Variants in ST3GAL6 observed in about 807,000 individuals in gnomAD.
ST3GAL6 encodes the protein ST3 beta-galactoside alpha-2,3-sialyltransferase 6.
A neutral mutation model predicts 40.5 loss-of-function variants in ST3GAL6; 31 were observed. That is an observed-to-expected ratio of 0.77 (90% CI 0.58 to 1.03). The LOEUF (loss-of-function observed/expected upper bound fraction) is 1.03, where lower values mean the gene tolerates loss of function less well. Ranked by LOEUF, ST3GAL6 falls within the 50% of genes least tolerant of loss-of-function variation. The pLI is 0.00. For synonymous variants in ST3GAL6, 129 were observed against 136.9 expected (o/e 0.94, Z 0.40); for missense variants, 357 against 393.2 (o/e 0.91, Z 0.78).
At chr3:98,766,016 T>A (rs1559737456) in intron 1 of ST3GAL6, among the ~76,000 whole-genome samples, 1 of 152,200 alleles carries the variant, frequency 6.6e-6, no homozygotes, top group Admixed American at 6.5e-5. Context: ...ATACTGAAGC[T>A]GTGAATTGTA....
intron 1 of ST3GAL6, among the ~76,000 whole-genome samples, chr3:98,754,419 A>G (rs534586502): frequency 2.2e-4 from 33 of 152,360 alleles, no homozygotes; most frequent in Admixed American, 1.9e-3. Flanking sequence ...ACTTTAATGA[A>G]TGAGGATTGC....
chr3:98,790,823 G>A (rs1227282081), intron 8 of ST3GAL6, among the ~76,000 whole-genome samples: 2 of 152,054 alleles, frequency 1.3e-5, no homozygotes, highest in Non-Finnish European at 2.9e-5. Context: ...AAAGGAAGTA[G>A]AAGACATGAA....
chr3:98,792,448 T>G (rs772548060), intron 9 of ST3GAL6, among the ~76,000 whole-genome samples: 6 of 152,158 alleles, frequency 3.9e-5, no homozygotes, highest in Non-Finnish European at 8.8e-5. Flanking sequence ...TGGATCACAC[T>G]TCTCTTGAAT....
chr3:98,761,406 G>A (rs1937749718), upstream of ST3GAL6, among the ~76,000 whole-genome samples: 2 of 152,072 alleles, frequency 1.3e-5, no homozygotes, highest in Admixed American at 6.5e-5. Context: ...TTAGGAGTTC[G>A]AGACCAGCCT....
intron 1 of ST3GAL6, among the ~76,000 whole-genome samples, chr3:98,743,757 C>T (rs371022054): frequency 6.6e-6 from 1 of 152,134 alleles, no homozygotes; most frequent in Non-Finnish European, 1.5e-5. Flanking sequence ...TGACTTTTGC[C>T]ACCATAGATT....
intron 8 of ST3GAL6, among the ~76,000 whole-genome samples, chr3:98,788,947 G>C (rs146464169): frequency 1.1e-4 from 16 of 152,320 alleles, no homozygotes; most frequent in Middle Eastern, 3.4e-3. Flanking sequence ...ACATTTCTGT[G>C]GTCAGAGGAA....
chr3:98,790,528 A>C (rs975921433), intron 8 of ST3GAL6, among the ~76,000 whole-genome samples: 16 of 152,150 alleles, frequency 1.1e-4, no homozygotes, highest in African/African-American at 3.6e-4. Flanking sequence ...CTCATCTTGG[A>C]GAGTAGGAAT....
At chr3:98,759,245 G>A (rs1307992929), upstream of ST3GAL6, among the ~76,000 whole-genome samples, 1 of 152,158 alleles carries the variant, frequency 6.6e-6, no homozygotes, top group Non-Finnish European at 1.5e-5. Flanking sequence ...GAGAACATGG[G>A]TTTAGGAAAC....
chr3:98,756,672 AT>A lies in ST3GAL6; in HGVS notation c.-11-11751del, dbSNP rs58909338. ...TCTTCTATGAATACAGGTGCCTGCT[AT>A]TTTTTTCTCTTACTAGTTTTGCAGC... On this transcript the variant is annotated intron_variant, in intron 1 of 9. Transcript: ENST00000265261. 183 of 769,776 alleles carry A rather than the reference AT, an allele frequency of 2.4e-4. No homozygotes were observed. In the African/African-American group the frequency reaches 3.2e-3, roughly 14 times the overall value. 47.7% of individuals were successfully genotyped at this position (769,776 alleles called of 1,614,324 possible).
intron 1 of ST3GAL6, among the ~76,000 whole-genome samples, chr3:98,734,210 G>T (rs1006424210): frequency 1.3e-5 from 2 of 152,144 alleles, no homozygotes; most frequent in Non-Finnish European, 2.9e-5. Flanking sequence ...TAAATATTTG[G>T]GAACATCTGC....
At chr3:98,776,305 G>A (rs561857045) in intron 5 of ST3GAL6, among the ~76,000 whole-genome samples, 6 of 152,328 alleles carry the variant, frequency 3.9e-5, no homozygotes, top group African/African-American at 1.4e-4. Flanking sequence ...TTGCCTGAAT[G>A]CTGCCTCTGA....
intron 1 of ST3GAL6, among the ~76,000 whole-genome samples, chr3:98,757,761 G>T (rs914606897): frequency 6.6e-6 from 1 of 152,022 alleles, no homozygotes; most frequent in African/African-American, 2.4e-5. Context: ...TGGTTTTGAG[G>T]ATTAAAATAA....
chr3:98,754,927 C>A (rs570698400), intron 1 of ST3GAL6, among the ~76,000 whole-genome samples: 1 of 152,198 alleles, frequency 6.6e-6, no homozygotes, highest in Non-Finnish European at 1.5e-5. Flanking sequence ...ATAAACATAA[C>A]TTACATCCAT....
At position 98,788,109 on chromosome 3, in the gene ST3GAL6, G is replaced by A; in HGVS notation, c.505G>A (p.Glu169Lys). 1 of 1,614,002 alleles carries A rather than the reference G, an allele frequency of 6.2e-7. No individual in the cohort carries two copies. The highest frequency in any genetic ancestry group is 8.5e-7 in the Non-Finnish European group (1 of 1,179,960). ...GACAACCTTCCGACTTTTTTATCCA[G>A]AATCTGTTTTTTCAGATCCTATTCA... Reference protein sequence around the residue: ...RRTTFRLFYPESVFSDPIHND... With the variant: ...RRTTFRLFYPKSVFSDPIHND... The change falls in exon 7 of 10, where the codon GAA becomes AAA. Residue 169 changes from glutamate to lysine, a missense_variant. By Grantham distance (56) the Glu-to-Lys change is moderately conservative. Coordinates refer to ENST00000483910, the MANE Select transcript of ST3GAL6 (RefSeq NM_001323368.2).
At chr3:98,774,045 G>A (rs1234181452) in intron 5 of ST3GAL6, 62 bp downstream of exon 5, 3 of 1,326,010 alleles carry the variant, frequency 2.3e-6, no homozygotes, top group Non-Finnish European at 3.2e-6. Flanking sequence ...TTCAAAATAT[G>A]TACCCCAAGA....
intron 5 of ST3GAL6, among the ~76,000 whole-genome samples, chr3:98,777,859 A>G (rs1939699501): frequency 6.6e-6 from 1 of 152,200 alleles, no homozygotes; most frequent in Non-Finnish European, 1.5e-5. Context: ...TTTTTAAGAG[A>G]ATTGCATCAC....
chr3:98,741,139 G>T (rs1277066573), intron 1 of ST3GAL6, among the ~76,000 whole-genome samples: 2 of 151,560 alleles, frequency 1.3e-5, no homozygotes, highest in Admixed American at 6.6e-5. Flanking sequence ...AAATCTGTAG[G>T]TTGAATAGAG....
At chr3:98,764,276 C>G (rs1414895124) in intron 1 of ST3GAL6, among the ~76,000 whole-genome samples, 1 of 152,052 alleles carries the variant, frequency 6.6e-6, no homozygotes, top group Non-Finnish European at 1.5e-5. Context: ...GTTGGAAAAG[C>G]AAGCTCCCTT....
chr3:98,757,438 A>T (rs906077682), intron 1 of ST3GAL6, among the ~76,000 whole-genome samples: 4 of 152,174 alleles, frequency 2.6e-5, no homozygotes, highest in African/African-American at 4.8e-5. Context: ...TGAGGACCTG[A>T]ATCAAGGCTG....
Sources: allele counts gnomAD v4.1 joint callset (sites outside exome capture counted in the v4.1 genomes callset), GRCh38; gene constraint gnomAD v4.1.1; transcripts MANE v1.5; gene names NCBI Gene and HGNC (gene_info 2026-07-23, HGNC 2026-07-21).